KCNQ3: variants seen among roughly 807,000 people sequenced by gnomAD.
KCNQ3 encodes the protein potassium voltage-gated channel subfamily KQT member 3.
Under a neutral mutation model 92.5 loss-of-function variants are expected in KCNQ3, and 30 were observed. The observed-to-expected ratio is 0.32, with a 90% confidence interval of 0.24 to 0.44. KCNQ3 has a LOEUF of 0.44. KCNQ3 is among the 20% of genes least tolerant of loss of function. KCNQ3 has a pLI of 1.00. For missense variants in KCNQ3, 913 were observed against 1,140.3 expected (o/e 0.80, Z 2.87); for synonymous variants, 450 against 468.8 (o/e 0.96, Z 0.52).
intron 1 of KCNQ3, among the ~76,000 whole-genome samples, chr8:132,238,616 C>T (rs1428657524): frequency 6.6e-6 from 1 of 152,182 alleles, no homozygotes; most frequent in East Asian, 1.9e-4. Context: ...TCATTCTTCT[C>T]TCATTTCTAT....
intron 3 of KCNQ3, among the ~76,000 whole-genome samples, chr8:132,180,601 C>T (rs1402380305): frequency 6.6e-6 from 1 of 152,182 alleles, no homozygotes; most frequent in Non-Finnish European, 1.5e-5. Context: ...TTAATGCTGG[C>T]TCCAGAGCAG....
chr8:132,418,005 A>AT (rs1820866110), intron 1 of KCNQ3, among the ~76,000 whole-genome samples: 1 of 151,136 alleles, frequency 6.6e-6, no homozygotes, highest in African/African-American at 2.4e-5. Context: ...TGAGGGGAAT[A>AT]TTTCTCCACC....
intron 12 of KCNQ3, among the ~76,000 whole-genome samples, chr8:132,134,845 C>A (rs185762989): frequency 1.2e-3 from 183 of 152,000 alleles, no homozygotes; most frequent in Non-Finnish European, 2.0e-3. Context: ...AGTTAGGGAG[C>A]TTTACAGACA....
At chr8:132,344,767 A>T (rs776212403) in intron 1 of KCNQ3, among the ~76,000 whole-genome samples, 1 of 152,190 alleles carries the variant, frequency 6.6e-6, no homozygotes, top group Non-Finnish European at 1.5e-5. Flanking sequence ...GGTAAGGTCG[A>T]GGCCAGTGCA....
chr8:132,439,667 T>C (rs1423776664), intron 1 of KCNQ3, among the ~76,000 whole-genome samples: 4 of 152,116 alleles, frequency 2.6e-5, no homozygotes, highest in Non-Finnish European at 4.4e-5. Context: ...GAGATTGTGC[T>C]GCTGGCTTTC....
At chr8:132,387,874 A>T (rs1819928966) in intron 1 of KCNQ3, among the ~76,000 whole-genome samples, 2 of 151,972 alleles carry the variant, frequency 1.3e-5, no homozygotes, top group African/African-American at 4.8e-5. Context: ...TGAACCTGGG[A>T]GGTTGACTCT....
Position 132,128,528 on chromosome 8 carries a change from TG to T in KCNQ3, c.*733del, listed in dbSNP as rs1824744769. On this transcript the variant is annotated 3_prime_UTR_variant, in exon 15 of 15. Coordinates refer to ENST00000388996, the MANE Select transcript of KCNQ3 (RefSeq NM_004519.4). ...GTGTATGTGTGTGTGTGTGTGTGTG[TG>T]TGTGTGTGTGTGTGTGTTTTCTCCC... 1 of 152,654 alleles carries T rather than the reference TG, an allele frequency of 6.6e-6. No homozygotes were observed. Among genetic ancestry groups the T allele is most frequent in the African/African-American group, 2.4e-5 (1 of 41,314 alleles). The allele number at this position is 152,654 out of a possible 1,614,324, so 9.5% of individuals were successfully genotyped here.
At chr8:132,448,502 G>GAAA in intron 1 of KCNQ3, among the ~76,000 whole-genome samples, 74 of 93,806 alleles carry the variant, frequency 7.9e-4, no homozygotes, top group East Asian at 1.3e-3. Flanking sequence ...GGAGAAATAT[G>GAAA]AAAAAAAAAA....
At chr8:132,193,920 T>A (rs1827232774) in intron 1 of KCNQ3, among the ~76,000 whole-genome samples, 1 of 152,202 alleles carries the variant, frequency 6.6e-6, no homozygotes, top group South Asian at 2.1e-4. Context: ...CCTGGCCTGC[T>A]GCTCTCAGTT....
At chr8:132,136,851 C>T (rs1286060555) in intron 12 of KCNQ3, among the ~76,000 whole-genome samples, 3 of 149,412 alleles carry the variant, frequency 2.0e-5, no homozygotes, top group Non-Finnish European at 4.4e-5. Context: ...TATTATTTTA[C>T]GGCTGCATAA....
chr8:132,173,964 TC>T (rs1293307690), intron 6 of KCNQ3, among the ~76,000 whole-genome samples: 1 of 152,122 alleles, frequency 6.6e-6, no homozygotes, highest in Non-Finnish European at 1.5e-5. Context: ...GGCCAGAAAC[TC>T]CTTTACAGAA....
rs2130918493 is a variant in KCNQ3 at position 132,126,660 on chromosome 8, C to T, written c.*2602G>A. The T allele has an allele frequency of 6.6e-6, 1 of 152,174 alleles. No individual in the cohort carries two copies. Among genetic ancestry groups the T allele is most frequent in the African/African-American group, 2.4e-5 (1 of 41,526 alleles). The allele number at this position is 152,174 out of a possible 1,614,324, so 9.4% of individuals were successfully genotyped here. ...TTAGACAATCAATACTTCCCTACTA[C>T]TGATCAATACAAACCCAATCTCTGC... On this transcript the variant is annotated 3_prime_UTR_variant, in exon 15 of 15. Transcript: ENST00000388996.
intron 9 of KCNQ3, among the ~76,000 whole-genome samples, chr8:132,162,871 C>T (rs1826031222): frequency 6.6e-6 from 1 of 152,060 alleles, no homozygotes; most frequent in African/African-American, 2.4e-5. Context: ...GACTTAGTGT[C>T]CAGGAGATTG....
chr8:132,339,423 T>C (rs1241177656), intron 1 of KCNQ3, among the ~76,000 whole-genome samples: 1 of 152,212 alleles, frequency 6.6e-6, no homozygotes, highest in African/African-American at 2.4e-5. Context: ...TAGGAATGCT[T>C]TGCTCTTTAC....
chr8:132,320,984 C>T (rs1817878827), intron 1 of KCNQ3, among the ~76,000 whole-genome samples: 1 of 152,200 alleles, frequency 6.6e-6, no homozygotes, highest in South Asian at 2.1e-4. Flanking sequence ...TGCAGAGGTA[C>T]ATGAAAACTA....
At position 132,129,464 on chromosome 8, in the gene KCNQ3, C is replaced by A. The variant is rs1159744493; in HGVS notation, c.2417G>T (p.Gly806Val). Residue 806 changes from glycine to valine, a missense_variant, in exon 15 of 15, where the codon GGC becomes GTC. This residue lies in a region of KCNQ3 where 375 missense variants were observed against 376.4 expected (regional missense o/e 1.00). Coordinates refer to ENST00000388996, the MANE Select transcript of KCNQ3 (RefSeq NM_004519.4). This position sits in a 1 kb window ranked among gnomAD's most constrained non-coding sequence, Gnocchi z 5.9. Reference sequence around the variant, plus strand: ...ATCTCTGTCCTGGGAGATGCTGAAGCCACTTGGAGACCTCTCCAGCTCCTC... The same window carrying A: ...ATCTCTGTCCTGGGAGATGCTGAAGACACTTGGAGACCTCTCCAGCTCCTC... ...NHEELERSPS[G>V]FSISQDRDDY... is the part of the protein sequence containing the mutation. 1.2e-6 allele frequency: 2 copies of A among 1,614,212 alleles called. No homozygotes were observed. Among genetic ancestry groups the A allele is most frequent in the Non-Finnish European group, 1.7e-6 (2 of 1,180,032 alleles).
intron 1 of KCNQ3, among the ~76,000 whole-genome samples, chr8:132,225,882 A>G (rs1207191154): frequency 6.6e-6 from 1 of 152,240 alleles, no homozygotes; most frequent in Non-Finnish European, 1.5e-5. Flanking sequence ...ACTGATATGA[A>G]CAAGGAGATT....
intron 5 of KCNQ3, among the ~76,000 whole-genome samples, 158 bp downstream of exon 5, chr8:132,175,295 G>A (rs988803135): frequency 6.6e-5 from 10 of 152,354 alleles, no homozygotes; most frequent in African/African-American, 2.4e-4. Context: ...TTGAAGGAGG[G>A]TCTTCTGTCA....
chr8:132,319,483 C>T (rs1010119428), intron 1 of KCNQ3, among the ~76,000 whole-genome samples: 8 of 152,124 alleles, frequency 5.3e-5, no homozygotes, highest in South Asian at 4.2e-4. Context: ...TAAATCAACA[C>T]GCAGGCGCCT....
Sources: gnomAD v4.1 joint callset for allele counts (sites outside exome capture counted in the v4.1 genomes callset) on GRCh38, gnomAD v4.1.1 for gene constraint, gnomAD v4.1.1 regional missense constraint, Gnocchi (gnomAD v3.1) non-coding constraint, MANE v1.5 for transcripts, NCBI Gene and HGNC (gene_info 2026-07-23, HGNC 2026-07-21) for gene names.